DNMT1: variants seen among roughly 807,000 people sequenced by gnomAD.
DNMT1 encodes DNA (cytosine-5)-methyltransferase 1.
DNMT1 carries 24 observed loss-of-function variants against 205.3 expected under a neutral mutation model. The ratio of observed to expected loss-of-function variants is 0.12; its 90% confidence interval spans 0.08 to 0.16. The LOEUF is 0.16. Ranked by LOEUF, DNMT1 falls within the 10% of genes least tolerant of loss-of-function variation. The pLI, the probability that DNMT1 is intolerant of heterozygous loss-of-function variation, is 1.00. For missense variants in DNMT1, 1,293 were observed against 2,177.7 expected, an observed-to-expected ratio of 0.59 and a Z score of 8.09; for synonymous variants, 817 against 839.8, an observed-to-expected ratio of 0.97 and a Z score of 0.47.
At chr19:10,194,763 C>A in intron 1 of DNMT1, 57 bp downstream of exon 1, 1 of 1,538,304 alleles carries the variant, frequency 6.5e-7, no homozygotes, top group Non-Finnish European at 8.8e-7. Flanking sequence ...GGAAGCGACC[C>A]CCCACCCAGC....
At position 10,155,200 on chromosome 19, in the gene DNMT1, A is replaced by G. The variant is rs2038431440; in HGVS notation, c.1493-144T>C. ...AAATGTCAGAAACATAGGGCACAAC[A>G]CATCATAGCTGGCTTGTTCTGAAGA... On this transcript the variant is annotated intron_variant, in intron 19 of 40. Transcript: ENST00000359526. 3 of 1,141,810 alleles carry G rather than the reference A, an allele frequency of 2.6e-6. No homozygotes were observed. In the Admixed American group the frequency reaches 6.6e-5, roughly 25 times the overall value. 70.7% of individuals were successfully genotyped at this position (1,141,810 alleles called of 1,614,324 possible).
chr19:10,174,218 T>C (rs2038886521), intron 7 of DNMT1, among the ~76,000 whole-genome samples: 1 of 152,134 alleles, frequency 6.6e-6, no homozygotes, highest in South Asian at 2.1e-4. Flanking sequence ...ATTTATTTGT[T>C]AGAGACCAGT....
chr19:10,143,751 G>C lies in DNMT1; in HGVS notation c.3116+15C>G, dbSNP rs760347391. 11 of 1,614,004 alleles carry C rather than the reference G, an allele frequency of 6.8e-6. No individual in the cohort carries two copies. The highest frequency in any genetic ancestry group is 9.3e-6 in the Non-Finnish European group (11 of 1,179,888). ...GAGTCTGTGGCCTCGTGGAAGAACAGAGGCCTCTGCTGACCTGTAGAACTT... is the reference window on the plus strand; with the variant it reads ...GAGTCTGTGGCCTCGTGGAAGAACACAGGCCTCTGCTGACCTGTAGAACTT... On this transcript the variant is annotated intron_variant, in intron 29 of 40. Coordinates refer to ENST00000359526, the MANE Select transcript of DNMT1 (RefSeq NM_001130823.3).
chr19:10,140,040 G>A lies in DNMT1; in HGVS notation c.3806+6C>T, dbSNP rs371779379. The A allele has an allele frequency of 1.2e-4, 199 of 1,607,566 alleles. 1 individual carries two copies. The highest frequency in any genetic ancestry group is 1.0e-3 in the Admixed American group (63 of 60,026). On this transcript the variant is annotated splice_donor_region_variant and intron_variant, in intron 33 of 40. Coordinates refer to ENST00000359526, the MANE Select transcript of DNMT1 (RefSeq NM_001130823.3). The surrounding 1 kb of genome is among the most constrained non-coding windows in gnomAD (Gnocchi z 8.4). The stretch of plus-strand genomic sequence containing the variant: ...TGGCAACACTGGGGGGCTTCTACCC[G>A]TTTACCTGAGGAAGGAAACCACCAG...
chr19:10,181,289 A>C (rs2039040870), intron 2 of DNMT1, among the ~76,000 whole-genome samples: 1 of 152,108 alleles, frequency 6.6e-6, no homozygotes, highest in African/African-American at 2.4e-5. Context: ...CTTTACAAAA[A>C]ATATTTAAAA....
chr19:10,164,408 G>T (rs1194082824), intron 11 of DNMT1, among the ~76,000 whole-genome samples: 1 of 152,156 alleles, frequency 6.6e-6, no homozygotes, highest in African/African-American at 2.4e-5. Context: ...GTCCCAAAAT[G>T]CTGGGATTAT....
In DNMT1 at chr19:10,159,776, C is replaced by T; in HGVS notation, c.1171-9G>A. ...ATCTGTGGCTCATCCACCTGAAGGA[C>T]ACGGGGCTGGTGAGCAGTGGGACAA... On this transcript the variant is annotated splice_polypyrimidine_tract_variant and intron_variant, in intron 16 of 40. Transcript: ENST00000359526. This position sits in a 1 kb window ranked among gnomAD's most constrained non-coding sequence, Gnocchi z 5.0. The T allele has an allele frequency of 3.1e-6, 5 of 1,614,202 alleles. No homozygotes were observed. Among genetic ancestry groups the T allele is most frequent in the Non-Finnish European group, 4.2e-6 (5 of 1,180,040 alleles).
In DNMT1 at chr19:10,165,717, C is replaced by T. The variant is rs147080389; in HGVS notation, c.891+881G>A. 7.2e-4 allele frequency among the ~76,000 whole-genome samples: 110 copies of T among 152,256 alleles called. 2 individuals carry two copies. The East Asian group carries it at 0.019, about 27-fold the overall frequency. On this transcript the variant is annotated intron_variant, in intron 11 of 40. Transcript: ENST00000359526. ...CCTCACATCCCTTTCTACCATGAGG[C>T]AAAAGTGCTGGCAGTGTGAGCTCAG...
At position 10,149,594 on chromosome 19, in the gene DNMT1, A is replaced by G. The variant is rs145803817; in HGVS notation, c.2445T>C (p.Ala815=). Residue 815 remains alanine (A), a synonymous_variant, in exon 26 of 41, where the codon GCT becomes GCC. Coordinates refer to ENST00000359526, the MANE Select transcript of DNMT1 (RefSeq NM_001130823.3). ...GQMFHAHWFC[A]GTDTVLGATS... is the part of the protein sequence containing the mutation. ...TGGCCCCGAGGACTGTGTCTGTCCC[A>G]GCGCAGAACCAGTGGGCGTGAAACA... is the stretch of plus-strand genomic sequence containing the variant. 3 of 1,613,836 alleles carry G rather than the reference A, an allele frequency of 1.9e-6. No homozygotes were observed. Among genetic ancestry groups the G allele is most frequent in the Non-Finnish European group, 2.5e-6 (3 of 1,180,002 alleles).
chr19:10,144,934 A>AG (rs1176755814), intron 28 of DNMT1, among the ~76,000 whole-genome samples: 1 of 152,182 alleles, frequency 6.6e-6, no homozygotes, highest in East Asian at 1.9e-4. Context: ...TAGTAGAGAC[A>AG]GGTATGTCGG....
chr19:10,156,078 T>TG lies in DNMT1; in HGVS notation c.1400-134_1400-133insC. 1 of 876,596 alleles carries TG rather than the reference T, an allele frequency of 1.1e-6. No individual in the cohort carries two copies. Among genetic ancestry groups the TG allele is most frequent in the Non-Finnish European group, 1.8e-6 (1 of 549,732 alleles). 54.3% of individuals were successfully genotyped at this position (876,596 alleles called of 1,614,324 possible). ...CCTCAGTCATCACAATGACTTGGCC[T>TG]ACAGCTGCTCCTGGCACAAAGTCTC... is the stretch of plus-strand genomic sequence containing the variant. On this transcript the variant is annotated intron_variant, in intron 18 of 40. Transcript: ENST00000359526. This position sits in a 1 kb window ranked among gnomAD's most constrained non-coding sequence, Gnocchi z 4.2.
Position 10,166,683 on chromosome 19 carries a change from G to A in DNMT1, c.806C>T (p.Thr269Ile). 1.2e-6 allele frequency: 2 copies of A among 1,614,142 alleles called. No homozygotes were observed. Among genetic ancestry groups the A allele is most frequent in the Non-Finnish European group, 8.5e-7 (1 of 1,180,006 alleles). ...KRLRSQTKEP[T>I]PKQKLKEEPD... Reference sequence around the variant, plus strand: ...CTCCTCCTTCAGTTTCTGTTTGGGTGTTCTGTCACAGAAGACAACACACAC... The same window carrying A: ...CTCCTCCTTCAGTTTCTGTTTGGGTATTCTGTCACAGAAGACAACACACAC... The change falls in exon 11 of 41, where the codon ACA becomes ATA. Residue 269 changes from threonine (T) to isoleucine (I), a missense_variant and splice_region_variant. Thr to Ile is a moderately conservative substitution (Grantham distance 89, BLOSUM62 -1). Coordinates refer to ENST00000359526, the MANE Select transcript of DNMT1 (RefSeq NM_001130823.3).
At chr19:10,161,228 C>T (rs973608909) in intron 13 of DNMT1, among the ~76,000 whole-genome samples, 6 of 152,296 alleles carry the variant, frequency 3.9e-5, no homozygotes, top group African/African-American at 1.4e-4. Flanking sequence ...TAGCTTGAAC[C>T]AGGGAGACAG....
chr19:10,151,555 C>T lies in DNMT1; in HGVS notation c.2118-10G>A. Reference sequence around the variant, plus strand: ...GGCCATATTGGGACACCTGCAATGTCACTGGTTATACCTAAGGCCCCTTTT... The same window carrying T: ...GGCCATATTGGGACACCTGCAATGTTACTGGTTATACCTAAGGCCCCTTTT... On this transcript the variant is annotated splice_polypyrimidine_tract_variant and intron_variant, in intron 23 of 40. Coordinates refer to ENST00000359526, the MANE Select transcript of DNMT1 (RefSeq NM_001130823.3). This position sits in a 1 kb window ranked among gnomAD's most constrained non-coding sequence, Gnocchi z 5.0. The T allele has an allele frequency of 5.0e-6, 8 of 1,613,510 alleles. No homozygotes were observed. The highest frequency in any genetic ancestry group is 6.8e-6 in the Non-Finnish European group (8 of 1,180,044).
intron 11 of DNMT1, among the ~76,000 whole-genome samples, chr19:10,165,908 G>A (rs575623502): frequency 2.0e-5 from 3 of 152,290 alleles, no homozygotes; most frequent in South Asian, 2.1e-4. Flanking sequence ...AAGCCCACTG[G>A]CGACCGGGTC....
At chr19:10,141,340 C>T (rs2089597169) in intron 30 of DNMT1, 151 bp from the exon 31 acceptor site, 1 of 745,610 alleles carries the variant, frequency 1.3e-6, no homozygotes, top group Non-Finnish European at 2.3e-6. Flanking sequence ...TTTGACTTTG[C>T]TACAATAGAA....
Position 10,173,917 on chromosome 19 carries a change from G to C in DNMT1, c.649-12C>G, listed in dbSNP as rs777184619. 1.9e-6 allele frequency: 3 copies of C among 1,613,758 alleles called. No individual in the cohort carries two copies. The highest frequency in any genetic ancestry group is 2.5e-6 in the Non-Finnish European group (3 of 1,179,660). ...CGTCTCTTCTCATCCTGTGTGGAGG[G>C]AAGGAAGAACAAAAAAGATTAGAAT... On this transcript the variant is annotated splice_polypyrimidine_tract_variant and intron_variant, in intron 7 of 40. Coordinates refer to ENST00000359526, the MANE Select transcript of DNMT1 (RefSeq NM_001130823.3).
At chr19:10,161,182 G>A (rs1599373471) in intron 13 of DNMT1, among the ~76,000 whole-genome samples, 1 of 152,222 alleles carries the variant, frequency 6.6e-6, no homozygotes, top group Non-Finnish European at 1.5e-5. Flanking sequence ...GCGCATGCCT[G>A]TAGTCCCAGC....
intron 1 of DNMT1, chr19:10,194,433 G>A (rs2039362714): frequency 5.9e-6 from 1 of 170,688 alleles, no homozygotes; most frequent in Admixed American, 6.4e-5. Flanking sequence ...GGTGCCCGAG[G>A]GGTGTCCGTT....
Sources: allele counts gnomAD v4.1 joint callset (sites outside exome capture counted in the v4.1 genomes callset), GRCh38; gene constraint gnomAD v4.1.1; non-coding constraint Gnocchi (gnomAD v3.1); transcripts MANE v1.5; gene names NCBI Gene and HGNC (gene_info 2026-07-23, HGNC 2026-07-21).